GRIK4: variants seen among roughly 807,000 people sequenced by gnomAD.
GRIK4 encodes the protein glutamate receptor ionotropic, kainate 4.
Under a neutral mutation model 104.9 loss-of-function variants are expected in GRIK4, and 40 were observed. The ratio of observed to expected loss-of-function variants is 0.38; its 90% CI spans 0.30 to 0.50. The LOEUF (loss-of-function observed/expected upper bound fraction) is 0.50. Ranked by LOEUF, GRIK4 falls within the 20% of genes least tolerant of loss-of-function variation. The pLI, the probability that GRIK4 is intolerant of heterozygous loss-of-function variation, is 0.93. For synonymous variants in GRIK4, 485 were observed against 524.9 expected (o/e 0.92, Z 1.04); for missense variants, 1,047 against 1,308.1 (o/e 0.80, Z 3.08).
At chr11:120,690,366 C>G (rs1950339048) in intron 3 of GRIK4, among the ~76,000 whole-genome samples, 1 of 152,208 alleles carries the variant, frequency 6.6e-6, no homozygotes, top group East Asian at 1.9e-4. Context: ...CTAGGCACAT[C>G]TCTATTGTCC....
At chr11:120,635,821 A>G (rs1949390284) in intron 1 of GRIK4, among the ~76,000 whole-genome samples, 1 of 152,196 alleles carries the variant, frequency 6.6e-6, no homozygotes, top group Non-Finnish European at 1.5e-5. Context: ...ATCATCCCCA[A>G]AATGCACAAA....
intron 1 of GRIK4, among the ~76,000 whole-genome samples, chr11:120,598,984 G>C (rs1948843787): frequency 6.6e-6 from 1 of 152,232 alleles, no homozygotes; most frequent in African/African-American, 2.4e-5. Flanking sequence ...TTGAAGGGGT[G>C]TGCCTGCAGG....
chr11:120,723,166 T>C (rs558601305), intron 3 of GRIK4, among the ~76,000 whole-genome samples: 1 of 152,368 alleles, frequency 6.6e-6, no homozygotes, highest in African/African-American at 2.4e-5. Flanking sequence ...CTAGTTATTT[T>C]GTTGTCTGAA....
intron 11 of GRIK4, among the ~76,000 whole-genome samples, chr11:120,893,796 T>C (rs74483039): frequency 0.019 from 2,858 of 152,128 alleles, 75 homozygotes; most frequent in African/African-American, 0.06. Context: ...TCTTTTTTTT[T>C]CCCCCCAGGA....
intron 4 of GRIK4, among the ~76,000 whole-genome samples, chr11:120,803,879 T>G (rs2135514681): frequency 6.6e-6 from 1 of 152,384 alleles, no homozygotes. Context: ...CACCTAAGTG[T>G]TAAGTGTTAT....
rs564870948 is a variant in GRIK4, at chr11:120,802,802, C to T, written c.192C>T (p.Val64=). 3.3e-5 allele frequency: 54 copies of T among 1,614,160 alleles called. No individual in the cohort carries two copies. The Middle Eastern group carries it at 4.9e-4, about 15-fold the overall frequency. The part of the protein sequence containing the change: ...RAPERLGKAK[V]EVDIFELLRD... ...CTGAGAGGCTGGGCAAGGCCAAGGT[C>T]GAAGTGGACATCTTTGAGCTTCTCA... The change falls in exon 4 of 21, where the codon GTC becomes GTT. Residue 64 remains valine (V), a synonymous_variant. Coordinates refer to ENST00000527524, the MANE Select transcript of GRIK4 (RefSeq NM_014619.5).
chr11:120,550,287 G>T (rs934892748), intron 1 of GRIK4, among the ~76,000 whole-genome samples: 1 of 149,850 alleles, frequency 6.7e-6, no homozygotes, highest in African/African-American at 2.5e-5. Flanking sequence ...AGGATCTGGA[G>T]TGAGTGGGAG....
intron 19 of GRIK4, among the ~76,000 whole-genome samples, chr11:120,973,726 T>C (rs1944513248): frequency 6.6e-6 from 1 of 152,194 alleles, no homozygotes; most frequent in Non-Finnish European, 1.5e-5. Context: ...AGAGGCTTCT[T>C]GGCCAAGCGA....
intron 6 of GRIK4, among the ~76,000 whole-genome samples, chr11:120,830,721 T>C (rs920208016): frequency 6.6e-6 from 1 of 152,212 alleles, no homozygotes; most frequent in African/African-American, 2.4e-5. Flanking sequence ...AGATAAGCCA[T>C]GTAAAATGTT....
chr11:120,984,592 C>A (rs1944706912), intron 20 of GRIK4, among the ~76,000 whole-genome samples: 1 of 151,996 alleles, frequency 6.6e-6, no homozygotes, highest in Non-Finnish European at 1.5e-5. Flanking sequence ...CATAGTGAAA[C>A]CCCGTCTCTA....
intron 11 of GRIK4, among the ~76,000 whole-genome samples, chr11:120,886,369 T>C (rs1955119505): frequency 6.6e-6 from 1 of 152,236 alleles, no homozygotes; most frequent in African/African-American, 2.4e-5. Flanking sequence ...GCTGAAGTGC[T>C]ATCTCGTGTT....
intron 13 of GRIK4, among the ~76,000 whole-genome samples, chr11:120,915,392 G>A (rs766804587): frequency 5.9e-5 from 9 of 152,120 alleles, no homozygotes; most frequent in Non-Finnish European, 1.2e-4. Flanking sequence ...GACTGCAGCC[G>A]CCCTTTTTTT....
At chr11:120,585,799 C>G (rs1324852912) in intron 1 of GRIK4, among the ~76,000 whole-genome samples, 1 of 150,618 alleles carries the variant, frequency 6.6e-6, no homozygotes, top group Non-Finnish European at 1.5e-5. Flanking sequence ...CCTCTAGATA[C>G]GTTTTTGAGA....
intron 1 of GRIK4, among the ~76,000 whole-genome samples, chr11:120,537,269 C>T (rs1352270716): frequency 6.6e-6 from 1 of 152,164 alleles, no homozygotes; most frequent in Non-Finnish European, 1.5e-5. Context: ...CCTCTCTTGA[C>T]CTGGTCCACA....
chr11:120,783,590 C>A (rs1443898068), intron 3 of GRIK4, among the ~76,000 whole-genome samples: 1 of 152,174 alleles, frequency 6.6e-6, no homozygotes, highest in Non-Finnish European at 1.5e-5. Context: ...ATTGCGTGGG[C>A]TCCACTAAAT....
intron 3 of GRIK4, among the ~76,000 whole-genome samples, chr11:120,726,047 G>A (rs986977204): frequency 1.3e-5 from 2 of 152,206 alleles, no homozygotes; most frequent in African/African-American, 4.8e-5. Context: ...TGGTGAGAAA[G>A]AGGCAGTGTT....
intron 1 of GRIK4, among the ~76,000 whole-genome samples, chr11:120,580,196 GTTCTTTCTTTCTTTCT>G (rs71301639): frequency 0.026 from 3,446 of 133,170 alleles, 83 homozygotes; most frequent in African/African-American, 0.07. Context: ...GAGTACAAGG[GTTCTTTCTTTCTTTCT>G]TTCTTTCTTT....
At chr11:120,851,958 G>A (rs1391124008) in intron 8 of GRIK4, among the ~76,000 whole-genome samples, 1 of 152,186 alleles carries the variant, frequency 6.6e-6, no homozygotes, top group East Asian at 1.9e-4. Flanking sequence ...CTAATGTGTT[G>A]GGACCTGGGA....
chr11:120,519,523 C>T (rs1020396672), intron 1 of GRIK4, among the ~76,000 whole-genome samples: 13 of 152,226 alleles, frequency 8.5e-5, no homozygotes, highest in Admixed American at 2.0e-4. Flanking sequence ...CGGGCTTCCC[C>T]GCCTCCAGAA....
Sources: allele counts gnomAD v4.1 joint callset (sites outside exome capture counted in the v4.1 genomes callset), GRCh38; gene constraint gnomAD v4.1.1; transcripts MANE v1.5; gene names NCBI Gene and HGNC (gene_info 2026-07-23, HGNC 2026-07-21).